Variants in FIGNL2 observed in about 807,000 individuals in gnomAD.
The protein encoded by FIGNL2 is fidgetin like 2.
For missense variants in FIGNL2, 1,060 were observed against 950.2 expected (o/e 1.12, Z -1.52); for synonymous variants, 565 against 484.0 (o/e 1.17, Z -2.20).
rs1256026302 is a variant in FIGNL2 at position 51,822,254 on chromosome 12, G to A, written c.160C>T (p.Leu54Phe). 7 of 1,611,350 alleles carry A rather than the reference G, an allele frequency of 4.3e-6. No individual in the cohort carries two copies. Among genetic ancestry groups the A allele is most frequent in the Non-Finnish European group, 5.1e-6 (6 of 1,178,748 alleles). The stretch of plus-strand genomic sequence containing the variant: ...CGCTTTAGGAGGTTGGAGGCAGTGA[G>A]GGCTGAGATGTCGTCGTGTGCCCAA... ...YAWAHDDISALTASNLLKRYA... is the reference protein window; with the variant it reads ...YAWAHDDISAFTASNLLKRYA... The change falls in exon 2 of 2, where the codon CTC becomes TTC. Residue 54 changes from leucine to phenylalanine, a missense_variant. Physicochemically the swap from Leu to Phe is conservative, Grantham distance 22 (BLOSUM62 0). Coordinates refer to ENST00000618634, the MANE Select transcript of FIGNL2 (RefSeq NM_001384995.1).
intron 1 of FIGNL2, among the ~76,000 whole-genome samples, chr12:51,835,070 G>A (rs374498368): frequency 6.6e-6 from 1 of 152,168 alleles, no homozygotes; most frequent in East Asian, 1.9e-4. Flanking sequence ...CAAAGCACAG[G>A]GTCCTCATTT....
Position 51,823,260 on chromosome 12 carries a change from G to A in FIGNL2, c.-11-836C>T, listed in dbSNP as rs75360498. Among the ~76,000 whole-genome samples, 576 of 152,304 alleles carry A rather than the reference G, an allele frequency of 3.8e-3. 2 individuals are homozygous for A. The highest frequency in any genetic ancestry group is 0.013 in the African/African-American group (535 of 41,560). On this transcript the variant is annotated intron_variant, in intron 1 of 1. Transcript: ENST00000618634. ...AATAAATAGGTCATATGCTGGAGAAGACCGCGGAAAGTTAATATACAACAA... is the reference window on the plus strand; with the variant it reads ...AATAAATAGGTCATATGCTGGAGAAAACCGCGGAAAGTTAATATACAACAA...
Position 51,821,144 on chromosome 12 carries a change from G to C in FIGNL2, c.1270C>G (p.Pro424Ala). 6.8e-7 allele frequency: 1 copy of C among 1,466,434 alleles called. No homozygotes were observed. Among genetic ancestry groups the C allele is most frequent in the South Asian group, 1.3e-5 (1 of 75,636 alleles). 90.8% of individuals were successfully genotyped at this position (1,466,434 alleles called of 1,614,324 possible). Reference sequence around the variant, plus strand: ...CCAAAGAGCAGGACGGTCCGCGGCGGGCGCAGGCTGCCCGGGTAGGCGGGC... The same window carrying C: ...CCAAAGAGCAGGACGGTCCGCGGCGCGCGCAGGCTGCCCGGGTAGGCGGGC... ...RPPAYPGSLR[P>A]PRTVLLFGPR... The change falls in exon 2 of 2, where the codon CCG becomes GCG. Residue 424 changes from proline to alanine, a missense_variant. Coordinates refer to ENST00000618634, the MANE Select transcript of FIGNL2 (RefSeq NM_001384995.1).
chr12:51,830,734 G>C (rs770632203), intron 1 of FIGNL2, among the ~76,000 whole-genome samples: 3 of 151,770 alleles, frequency 2.0e-5, no homozygotes, highest in African/African-American at 7.3e-5. Context: ...CTCATGATTC[G>C]CCCGCCTTGG....
intron 1 of FIGNL2, chr12:51,825,665 G>A (rs1939326424): frequency 6.7e-6 from 1 of 148,646 alleles, no homozygotes; most frequent in Non-Finnish European, 1.5e-5. Flanking sequence ...CGCCCAGGCT[G>A]GAGTGCAGTG....
At chr12:51,847,767 G>A (rs936186539) in intron 1 of FIGNL2, 150 of 985,276 alleles carry the variant, frequency 1.5e-4, no homozygotes, top group Non-Finnish European at 1.8e-4. Flanking sequence ...TGCAGCGGCG[G>A]GGGGGTTGCT....
rs1177466614 is a variant in FIGNL2, at chr12:51,821,522, C to A, written c.892G>T (p.Ala298Ser). 6.4e-7 allele frequency: 1 copy of A among 1,569,236 alleles called. No homozygotes were observed. The highest frequency in any genetic ancestry group is 1.4e-5 in the African/African-American group (1 of 72,616). ...CCCCGACATTCGCCGTTGTCCGCGG[C>A]GGGGTAGGAGGCTCCGTCAGCCACG... Reference protein sequence around the residue: ...APVADGASYPAADNGECRGNG... With the variant: ...APVADGASYPSADNGECRGNG... Residue 298 changes from alanine to serine, a missense_variant, in exon 2 of 2, where the codon GCC becomes TCC. Coordinates refer to ENST00000618634, the MANE Select transcript of FIGNL2 (RefSeq NM_001384995.1).
At chr12:51,841,467 C>T (rs549435648) in intron 1 of FIGNL2, 1 of 152,352 alleles carries the variant, frequency 6.6e-6, no homozygotes, top group South Asian at 2.1e-4. Flanking sequence ...CAGTCTTGCT[C>T]CAGATACTTC....
chr12:51,844,674 T>C (rs144097466), intron 1 of FIGNL2: 1 of 985,040 alleles, frequency 1.0e-6, no homozygotes, highest in African/African-American at 1.7e-5. Flanking sequence ...TTCATCAAGA[T>C]GCTTATGAAA....
intron 1 of FIGNL2, chr12:51,825,731 C>A (rs985262139): frequency 6.6e-6 from 1 of 151,794 alleles, no homozygotes; most frequent in Non-Finnish European, 1.5e-5. Context: ...ATTCTCCTGC[C>A]TCAGCCTCCC....
At chr12:51,822,520 G>T (rs1592185707) in intron 1 of FIGNL2, 96 bp from the exon 2 acceptor site, 1 of 1,437,318 alleles carries the variant, frequency 7.0e-7, no homozygotes, top group Non-Finnish European at 9.5e-7. Flanking sequence ...ACTGCGGCTT[G>T]GACAGGCTGG....
intron 1 of FIGNL2, 39 bp from the exon 2 acceptor site, chr12:51,822,463 A>T: frequency 1.2e-6 from 2 of 1,606,342 alleles, no homozygotes; most frequent in East Asian, 2.2e-5. Flanking sequence ...AGGTCTAGCC[A>T]CCGAGGACCC....
chr12:51,826,856 G>A (rs1939356286), intron 1 of FIGNL2, among the ~76,000 whole-genome samples: 1 of 152,150 alleles, frequency 6.6e-6, no homozygotes, highest in Non-Finnish European at 1.5e-5. Context: ...GGCCCAGAAC[G>A]ATGTCTCACG....
chr12:51,841,495 G>A (rs59592367), intron 1 of FIGNL2: 30,590 of 152,218 alleles, frequency 0.2, 3,466 homozygotes, highest in East Asian at 0.51. Context: ...GCCACAGCAG[G>A]TGGTGGTGTT....
At chr12:51,841,030 G>A (rs550156903) in intron 1 of FIGNL2, among the ~76,000 whole-genome samples, 3 of 152,234 alleles carry the variant, frequency 2.0e-5, no homozygotes, top group Admixed American at 6.5e-5. Flanking sequence ...TACCAAAGGC[G>A]AGGAAACAGG....
chr12:51,843,323 G>A (rs1353807072), intron 1 of FIGNL2, among the ~76,000 whole-genome samples: 1 of 151,924 alleles, frequency 6.6e-6, no homozygotes, highest in Non-Finnish European at 1.5e-5. Context: ...GATCACTTGA[G>A]GTTAGGAGTT....
At position 51,834,729 on chromosome 12, in the gene FIGNL2, G is replaced by A. The variant is rs541289852; in HGVS notation, c.-11-12305C>T. On this transcript the variant is annotated intron_variant, in intron 1 of 1. Coordinates refer to ENST00000618634, the MANE Select transcript of FIGNL2 (RefSeq NM_001384995.1). ...AGCACAGATATCCCTGCCTGTGTCCGCGGTCAGGGCCACAGCCAAGCTGTG... is the reference window on the plus strand; with the variant it reads ...AGCACAGATATCCCTGCCTGTGTCCACGGTCAGGGCCACAGCCAAGCTGTG... Among the ~76,000 whole-genome samples the A allele has an allele frequency of 7.4e-4, 113 of 152,350 alleles. 1 individual carries two copies. Among genetic ancestry groups the A allele is most frequent in the Non-Finnish European group, 1.1e-3 (78 of 68,032 alleles).
chr12:51,833,073 G>A (rs1475018664), intron 1 of FIGNL2, among the ~76,000 whole-genome samples: 1 of 152,016 alleles, frequency 6.6e-6, no homozygotes, highest in Non-Finnish European at 1.5e-5. Flanking sequence ...TTTGAGACAG[G>A]GTCTCACTTT....
intron 1 of FIGNL2, chr12:51,847,398 C>T (rs1939773931): frequency 1.0e-6 from 1 of 985,360 alleles, no homozygotes; most frequent in Admixed American, 6.1e-5. Flanking sequence ...TCCTCGCTGC[C>T]GGGCGGAAAG....
Sources: gnomAD v4.1 joint callset for allele counts (sites outside exome capture counted in the v4.1 genomes callset) on GRCh38, gnomAD v4.1.1 for gene constraint, MANE v1.5 for transcripts, NCBI Gene and HGNC (gene_info 2026-07-23, HGNC 2026-07-21) for gene names.